The following EYS variants were observed in gnomAD, a reference collection of about 807,000 sequenced individuals.
EYS encodes the protein protein eyes shut homolog.
In EYS, 250 loss-of-function variants were observed where a neutral mutation model predicts 282.1. The observed-to-expected ratio is 0.89, with a 90% CI of 0.80 to 0.98. The LOEUF (loss-of-function observed/expected upper bound fraction) is 0.98. Ranked by LOEUF, EYS falls within the 50% of genes least tolerant of loss-of-function variation. EYS has a pLI of 0.00. For missense variants in EYS, 4,016 were observed against 3,709.0 expected (o/e 1.08, Z -2.15); for synonymous variants, 1,355 against 1,282.9 (o/e 1.06, Z -1.20).
intron 35 of EYS, among the ~76,000 whole-genome samples, chr6:63,944,886 A>T (rs1765349674): frequency 6.6e-6 from 1 of 152,178 alleles, no homozygotes; most frequent in South Asian, 2.1e-4. Context: ...GTGAGCCAAG[A>T]TCGTGTCACC....
chr6:63,887,804 C>G (rs995705375), intron 35 of EYS, among the ~76,000 whole-genome samples: 2 of 152,126 alleles, frequency 1.3e-5, no homozygotes, highest in Non-Finnish European at 2.9e-5. Flanking sequence ...CCCAGTGAGA[C>G]AGAACCATTC....
At chr6:64,937,309 A>C (rs1768942711) in intron 15 of EYS, among the ~76,000 whole-genome samples, 4 of 151,602 alleles carry the variant, frequency 2.6e-5, no homozygotes, top group Non-Finnish European at 5.9e-5. Context: ...GGTTGTCCTC[A>C]AAATTAAAAT....
intron 22 of EYS, among the ~76,000 whole-genome samples, chr6:64,647,701 C>T (rs1768404868): frequency 1.3e-5 from 2 of 152,002 alleles, no homozygotes; most frequent in Non-Finnish European, 2.9e-5. Flanking sequence ...TATATTAAAA[C>T]TCAGTTAAAT....
At chr6:64,457,795 C>T (rs75600788) in intron 26 of EYS, among the ~76,000 whole-genome samples, 6 of 78,576 alleles carry the variant, frequency 7.6e-5, no homozygotes, top group African/African-American at 2.9e-4. Flanking sequence ...CATTTTTTTT[C>T]CCCCCCATTT....
In EYS at chr6:65,296,004, T is replaced by A; in HGVS notation, c.1882A>T (p.Asn628Tyr). 6.4e-7 allele frequency: 1 copy of A among 1,551,238 alleles called. No individual in the cohort carries two copies. Residue 628 changes from asparagine to tyrosine, a missense_variant, in exon 12 of 43, where the codon AAC becomes TAC. Transcript: ENST00000503581. ...TCATATCTTTGCAGACCGCTACAGT[T>A]ACAATTGTGCGAAAGGGCCAGGCAG... ...GLCLALSHNC[N>Y]CSGLQRYERN...
intron 29 of EYS, among the ~76,000 whole-genome samples, chr6:64,326,928 C>T (rs556934982): frequency 2.0e-5 from 3 of 152,212 alleles, no homozygotes; most frequent in Admixed American, 6.5e-5. Context: ...GATGACTAGT[C>T]CAACCCGAGG....
At chr6:65,381,567 T>C (rs574861917) in intron 8 of EYS, among the ~76,000 whole-genome samples, 11 of 152,138 alleles carry the variant, frequency 7.2e-5, no homozygotes, top group African/African-American at 2.6e-4. Context: ...CAAACCACCA[T>C]AGTACATGTA....
At chr6:64,419,345 T>G (rs916188398) in intron 28 of EYS, among the ~76,000 whole-genome samples, 2 of 152,096 alleles carry the variant, frequency 1.3e-5, no homozygotes, top group African/African-American at 4.8e-5. Flanking sequence ...AAGATGAGAT[T>G]TGGGTGAGGA....
intron 24 of EYS, among the ~76,000 whole-genome samples, chr6:64,614,995 A>G (rs1367264968): frequency 6.6e-6 from 1 of 152,096 alleles, no homozygotes; most frequent in Non-Finnish European, 1.5e-5. Context: ...GAGTTGACAG[A>G]GAAATGAGCA....
chr6:64,455,988 CAT>C (rs1336630060), intron 26 of EYS, among the ~76,000 whole-genome samples: 1 of 152,094 alleles, frequency 6.6e-6, no homozygotes, highest in Non-Finnish European at 1.5e-5. Flanking sequence ...GGTATGTACA[CAT>C]ATGAATTTCA....
intron 31 of EYS, among the ~76,000 whole-genome samples, chr6:64,189,298 C>T (rs1765037911): frequency 6.6e-6 from 1 of 152,196 alleles, no homozygotes; most frequent in South Asian, 2.1e-4. Context: ...TATGGCCCAC[C>T]ATCTGGTTTT....
At chr6:65,451,454 A>T (rs143614921) in intron 5 of EYS, among the ~76,000 whole-genome samples, 1 of 152,186 alleles carries the variant, frequency 6.6e-6, no homozygotes, top group East Asian at 1.9e-4. Flanking sequence ...GCATCTAATA[A>T]TTCTTCTTTC....
At chr6:65,197,754 A>T (rs1416801497) in intron 12 of EYS, among the ~76,000 whole-genome samples, 2 of 152,072 alleles carry the variant, frequency 1.3e-5, no homozygotes, top group African/African-American at 4.8e-5. Context: ...TACAGTAAAA[A>T]TTCAGTATAG....
chr6:64,534,048 C>A (rs995169491), intron 26 of EYS, among the ~76,000 whole-genome samples: 1 of 151,662 alleles, frequency 6.6e-6, no homozygotes, highest in African/African-American at 2.4e-5. Flanking sequence ...GACAAGAGAA[C>A]TTTTGCTATA....
chr6:64,078,456 A>T (rs545583946), intron 32 of EYS, among the ~76,000 whole-genome samples: 1 of 152,144 alleles, frequency 6.6e-6, no homozygotes, highest in East Asian at 1.9e-4. Context: ...ATCTGTTGTG[A>T]GGCTTTTATG....
chr6:65,163,966 C>T (rs2150223260), intron 12 of EYS, among the ~76,000 whole-genome samples: 1 of 151,322 alleles, frequency 6.6e-6, no homozygotes, highest in Admixed American at 6.6e-5. Flanking sequence ...TTATCAGATG[C>T]ATCCCTGAGA....
intron 2 of EYS, among the ~76,000 whole-genome samples, chr6:65,549,152 A>T (rs1488594872): frequency 6.6e-6 from 1 of 152,124 alleles, no homozygotes. Flanking sequence ...ATGGACACAA[A>T]CCGGCACTGG....
At chr6:65,225,322 A>G (rs940975362) in intron 12 of EYS, among the ~76,000 whole-genome samples, 2 of 150,638 alleles carry the variant, frequency 1.3e-5, no homozygotes, top group Non-Finnish European at 3.0e-5. Flanking sequence ...ATTATATAGT[A>G]TAGCAAATAT....
At chr6:64,727,042 C>T (rs1288484292) in intron 22 of EYS, among the ~76,000 whole-genome samples, 3 of 152,128 alleles carry the variant, frequency 2.0e-5, no homozygotes, top group Non-Finnish European at 4.4e-5. Flanking sequence ...GGGTGGCATA[C>T]TGATGTTACT....
Sources: gnomAD v4.1 joint callset for allele counts (sites outside exome capture counted in the v4.1 genomes callset) on GRCh38, gnomAD v4.1.1 for gene constraint, MANE v1.5 for transcripts, NCBI Gene and HGNC (gene_info 2026-07-23, HGNC 2026-07-21) for gene names.